The following ASIC2 variants were observed in gnomAD, a reference collection of about 807,000 sequenced individuals.
ASIC2 encodes acid sensing ion channel subunit 2.
A neutral mutation model predicts 57.3 loss-of-function variants in ASIC2; 25 were observed. The ratio of observed to expected loss-of-function variants is 0.44; its 90% CI spans 0.32 to 0.61. The LOEUF (loss-of-function observed/expected upper bound fraction) is 0.61, where lower values mean the gene tolerates loss of function less well. Ranked by LOEUF, ASIC2 falls within the 20% of genes least tolerant of loss-of-function variation. The pLI is 0.06. For missense variants in ASIC2, 641 were observed against 738.1 expected (o/e 0.87, Z 1.52); for synonymous variants, 319 against 307.5 (o/e 1.04, Z -0.39).
At chr17:34,002,713 C>T (rs1906385433) in intron 1 of ASIC2, 1 of 152,118 alleles carries the variant, frequency 6.6e-6, no homozygotes, top group African/African-American at 2.4e-5. Flanking sequence ...TTTGAGTTAC[C>T]TAGTTAACAA....
chr17:33,213,938 C>A (rs191578953), intron 1 of ASIC2, among the ~76,000 whole-genome samples: 6 of 152,246 alleles, frequency 3.9e-5, no homozygotes, highest in Admixed American at 1.3e-4. Flanking sequence ...GATATGACAC[C>A]CAGAGGTGAG....
intron 1 of ASIC2, among the ~76,000 whole-genome samples, chr17:33,388,759 C>A (rs1415488546): frequency 6.6e-6 from 1 of 152,192 alleles, no homozygotes. Flanking sequence ...CAATGCCTGC[C>A]CCACAATTTC....
At chr17:34,098,729 G>A (rs899178057) in intron 1 of ASIC2, among the ~76,000 whole-genome samples, 1 of 152,146 alleles carries the variant, frequency 6.6e-6, no homozygotes, top group African/African-American at 2.4e-5. Flanking sequence ...GACTGTATAT[G>A]AACCACACTA....
intron 1 of ASIC2, among the ~76,000 whole-genome samples, chr17:33,591,733 G>A (rs181000515): frequency 6.6e-6 from 1 of 152,298 alleles, no homozygotes; most frequent in East Asian, 1.9e-4. Flanking sequence ...TCAAAGTGGG[G>A]CCACTCTGTG....
At chr17:33,535,063 T>C (rs994177630) in intron 1 of ASIC2, among the ~76,000 whole-genome samples, 5 of 152,184 alleles carry the variant, frequency 3.3e-5, no homozygotes, top group African/African-American at 1.2e-4. Context: ...CTCACAGTAG[T>C]TAAGCAACTT....
chr17:33,825,673 C>T (rs1912883650), intron 1 of ASIC2, among the ~76,000 whole-genome samples: 1 of 152,132 alleles, frequency 6.6e-6, no homozygotes. Context: ...ATGGGTTTTT[C>T]TAAAATTCAC....
intron 1 of ASIC2, among the ~76,000 whole-genome samples, chr17:33,149,635 C>T (rs1232639179): frequency 3.9e-5 from 6 of 151,996 alleles, no homozygotes; most frequent in Non-Finnish European, 7.4e-5. Context: ...TATATTCCTG[C>T]ATTTATTGCA....
intron 1 of ASIC2, among the ~76,000 whole-genome samples, chr17:33,853,032 A>C (rs117322226): frequency 6.6e-6 from 1 of 152,244 alleles, no homozygotes; most frequent in Non-Finnish European, 1.5e-5. Context: ...CTTTCCTCAC[A>C]GTCATGTACA....
chr17:33,791,263 T>C (rs1458550577), intron 1 of ASIC2, among the ~76,000 whole-genome samples: 2 of 151,962 alleles, frequency 1.3e-5, no homozygotes, highest in African/African-American at 2.4e-5. Context: ...ACAGAGAACA[T>C]AGCATGTCAG....
chr17:34,156,445 G>A lies in ASIC2; in HGVS notation c.88C>T (p.Arg30Cys), dbSNP rs1481256687. Residue 30 changes from arginine to cysteine, a missense_variant, in exon 1 of 10, where the codon CGC becomes TGC. Physicochemically the swap from Arg to Cys is radical, Grantham distance 180. Transcript: ENST00000359872. The surrounding 1 kb of genome is among the most constrained non-coding windows in gnomAD (Gnocchi z 4.4). ...AGCGGCCCATACACGAAGATGTGGC[G>A]GATGCCATGGAGGGTGGAGGTGTTG... 13 of 1,614,164 alleles carry A rather than the reference G, an allele frequency of 8.1e-6. No individual in the cohort carries two copies. Among genetic ancestry groups the A allele is most frequent in the Non-Finnish European group, 1.0e-5 (12 of 1,180,022 alleles).
At chr17:33,618,469 A>C (rs1479948567) in intron 1 of ASIC2, among the ~76,000 whole-genome samples, 1 of 152,194 alleles carries the variant, frequency 6.6e-6, no homozygotes, top group Non-Finnish European at 1.5e-5. Flanking sequence ...CCAAAGCCAA[A>C]AACAAAGTAC....
At chr17:33,373,685 T>C (rs1909169929) in intron 1 of ASIC2, among the ~76,000 whole-genome samples, 1 of 145,588 alleles carries the variant, frequency 6.9e-6, no homozygotes, top group Non-Finnish European at 1.5e-5. Context: ...GGTCTTTTTT[T>C]TCTCTTTTCT....
intron 9 of ASIC2, among the ~76,000 whole-genome samples, chr17:33,015,529 C>T (rs559855254): frequency 3.9e-5 from 6 of 152,188 alleles, no homozygotes; most frequent in Admixed American, 2.0e-4. Context: ...CTATAATGGG[C>T]ACTATTGCTA....
intron 1 of ASIC2, among the ~76,000 whole-genome samples, chr17:33,739,273 G>C (rs887275787): frequency 6.6e-6 from 1 of 152,098 alleles, no homozygotes; most frequent in African/African-American, 2.4e-5. Context: ...GTGATCCATG[G>C]GTCAAACCAA....
rs1268796409 is a variant in ASIC2 at position 33,560,587 on chromosome 17, T to C, written c.556-448520A>G. Among the ~76,000 whole-genome samples, 7 of 152,312 alleles carry C rather than the reference T, an allele frequency of 4.6e-5. No individual in the cohort carries two copies. In the South Asian group the frequency reaches 6.2e-4, roughly 14 times the overall value. ...GGTGTGGGTCTGTGGTTTGAGACTCTGGAAAGAACTCAAATGAGGTCAAAA... is the reference window on the plus strand; with the variant it reads ...GGTGTGGGTCTGTGGTTTGAGACTCCGGAAAGAACTCAAATGAGGTCAAAA... On this transcript the variant is annotated intron_variant, in intron 1 of 9. Transcript: ENST00000359872.
At chr17:33,534,131 C>T (rs1359797884) in intron 1 of ASIC2, 1 of 152,140 alleles carries the variant, frequency 6.6e-6, no homozygotes, top group African/African-American at 2.4e-5. Flanking sequence ...CAGAGCTCAG[C>T]TCCCAAGAAG....
intron 1 of ASIC2, among the ~76,000 whole-genome samples, chr17:33,393,752 G>C (rs1909981371): frequency 6.6e-6 from 1 of 152,142 alleles, no homozygotes; most frequent in Admixed American, 6.5e-5. Context: ...GGGGTTCATG[G>C]AGTAGACCCA....
chr17:33,403,526 A>G (rs2141960139), intron 1 of ASIC2, among the ~76,000 whole-genome samples: 1 of 152,384 alleles, frequency 6.6e-6, no homozygotes, highest in East Asian at 1.9e-4. Context: ...TTTTAAACAA[A>G]TCAAGAGATT....
At chr17:33,603,913 A>C (rs1475214987) in intron 1 of ASIC2, among the ~76,000 whole-genome samples, 2 of 152,154 alleles carry the variant, frequency 1.3e-5, no homozygotes, top group Non-Finnish European at 2.9e-5. Context: ...GGACCTTGGC[A>C]TCCAGCAGAC....
Sources: allele counts gnomAD v4.1 joint callset (sites outside exome capture counted in the v4.1 genomes callset), GRCh38; gene constraint gnomAD v4.1.1; non-coding constraint Gnocchi (gnomAD v3.1); transcripts MANE v1.5; gene names NCBI Gene and HGNC (gene_info 2026-07-23, HGNC 2026-07-21).